The following PAX3 variants were observed in gnomAD, a reference collection of about 807,000 sequenced individuals.
PAX3 encodes paired box protein Pax-3.
A neutral mutation model predicts 51.6 loss-of-function variants in PAX3; 14 were observed. The observed-to-expected ratio is 0.27, with a 90% confidence interval of 0.18 to 0.42. The LOEUF is 0.42. Among genes scored for constraint, PAX3 ranks in the 10% least tolerant of loss-of-function variants. The pLI is 1.00. For synonymous variants in PAX3, 280 were observed against 253.4 expected (o/e 1.11, Z -1.00); for missense variants, 540 against 642.8 (o/e 0.84, Z 1.73).
intron 3 of PAX3, among the ~76,000 whole-genome samples, chr2:222,294,758 G>GCCCCCCCCCC (rs368069047): frequency 1.7e-3 from 145 of 87,076 alleles, no homozygotes; most frequent in Non-Finnish European, 2.0e-3. Context: ...ACTTGTCCGC[G>GCCCCCCCCCC]CCCCCCCCCA....
At chr2:222,283,012 A>T (rs894170914) in intron 4 of PAX3, among the ~76,000 whole-genome samples, 5 of 152,202 alleles carry the variant, frequency 3.3e-5, no homozygotes, top group Non-Finnish European at 5.9e-5. Context: ...CTTCCCCACC[A>T]TTTGGTCTCA....
At chr2:222,237,332 AC>A (rs1472413872) in intron 4 of PAX3, among the ~76,000 whole-genome samples, 15 of 150,106 alleles carry the variant, frequency 1.0e-4, no homozygotes, top group African/African-American at 3.4e-4. Context: ...ACATGCACAC[AC>A]ACACACACAC....
intron 4 of PAX3, among the ~76,000 whole-genome samples, chr2:222,260,991 A>G (rs995816183): frequency 2.0e-5 from 3 of 152,258 alleles, no homozygotes; most frequent in Non-Finnish European, 4.4e-5. Flanking sequence ...GGCTGTGGCC[A>G]GAAGCACTCA....
At chr2:222,232,554 T>C (rs1296019000) in intron 4 of PAX3, among the ~76,000 whole-genome samples, 1 of 152,122 alleles carries the variant, frequency 6.6e-6, no homozygotes, top group Non-Finnish European at 1.5e-5. Flanking sequence ...CTTCTCCTAC[T>C]CTATCTTTCT....
intron 4 of PAX3, among the ~76,000 whole-genome samples, chr2:222,274,004 AAT>A (rs1380695492): frequency 6.6e-6 from 1 of 152,114 alleles, no homozygotes; most frequent in Non-Finnish European, 1.5e-5. Flanking sequence ...TTCCTAGAAA[AAT>A]TAGTGTTTTA....
At chr2:222,209,851 G>T (rs779815830) in intron 7 of PAX3, among the ~76,000 whole-genome samples, 4 of 151,324 alleles carry the variant, frequency 2.6e-5, no homozygotes, top group African/African-American at 9.7e-5. Context: ...TGATTGCACC[G>T]CTGTACTCCA....
intron 4 of PAX3, among the ~76,000 whole-genome samples, chr2:222,291,969 G>GGC (rs1553591825): frequency 7.5e-6 from 1 of 133,642 alleles, no homozygotes; most frequent in East Asian, 2.3e-4. Context: ...CAGCCTCCAA[G>GGC]GTGTGTGTGT....
Position 222,282,871 on chromosome 2 carries a change from A to G in PAX3, c.586+11296T>C, listed in dbSNP as rs1295866348. On this transcript the variant is annotated intron_variant, in intron 4 of 8. Coordinates refer to ENST00000392070, the MANE Select transcript of PAX3 (RefSeq NM_181458.4). The stretch of plus-strand genomic sequence containing the variant: ...GAATGTCCAGAAGGTAGTCATTGTT[A>G]GCAGAACAACTCTAAGCAGTAATTT... Among the ~76,000 whole-genome samples, 3 of 152,248 alleles carry G rather than the reference A, an allele frequency of 2.0e-5. No individual in the cohort carries two copies. In the East Asian group the frequency reaches 5.8e-4, roughly 29 times the overall value.
intron 7 of PAX3, among the ~76,000 whole-genome samples, chr2:222,204,197 A>G (rs192564234): frequency 2.2e-3 from 330 of 152,324 alleles, no homozygotes; most frequent in African/African-American, 7.2e-3. Flanking sequence ...GTAAGCATCA[A>G]TAGGATTGAC....
chr2:222,280,188 G>A (rs548746605), intron 4 of PAX3, among the ~76,000 whole-genome samples: 62 of 151,622 alleles, frequency 4.1e-4, no homozygotes, highest in Admixed American at 7.2e-4. Context: ...TGCAGCCTGG[G>A]CAACAAGAGT....
At chr2:222,249,506 G>GTTT (rs1693346359) in intron 4 of PAX3, among the ~76,000 whole-genome samples, 1 of 152,148 alleles carries the variant, frequency 6.6e-6, no homozygotes, top group South Asian at 2.1e-4. Flanking sequence ...TTCAAAAAAG[G>GTTT]TTTGAGTAAA....
At chr2:222,225,290 G>T (rs1023000543) in intron 5 of PAX3, among the ~76,000 whole-genome samples, 3 of 152,022 alleles carry the variant, frequency 2.0e-5, no homozygotes, top group African/African-American at 7.3e-5. Context: ...CTTCCATAAA[G>T]CCATATTTCA....
intron 7 of PAX3, chr2:222,214,317 TA>T (rs1162621728): frequency 1.3e-5 from 2 of 152,190 alleles, no homozygotes; most frequent in Non-Finnish European, 2.9e-5. Context: ...GATAGTCTAA[TA>T]CATATATGCA....
chr2:222,225,642 T>G (rs1692355416), intron 5 of PAX3, among the ~76,000 whole-genome samples: 1 of 152,184 alleles, frequency 6.6e-6, no homozygotes, highest in Admixed American at 6.5e-5. Flanking sequence ...AACAATTTGC[T>G]TAATATCTGG....
chr2:222,232,418 C>A (rs945666839), intron 4 of PAX3, 135 bp from the exon 5 acceptor site: 20 of 756,290 alleles, frequency 2.6e-5, no homozygotes, highest in Admixed American at 2.6e-4. Context: ...AAATGTGGAT[C>A]AAAAAACAAG....
chr2:222,291,394 C>A (rs1158624675), intron 4 of PAX3, among the ~76,000 whole-genome samples: 1 of 152,102 alleles, frequency 6.6e-6, no homozygotes, highest in Non-Finnish European at 1.5e-5. Context: ...TAGCGCGCGC[C>A]CGTTAGGGAG....
At chr2:222,295,716 G>GC in intron 2 of PAX3, 59 bp from the exon 3 acceptor site, 1 of 1,602,980 alleles carries the variant, frequency 6.2e-7, no homozygotes, top group Non-Finnish European at 8.5e-7. Flanking sequence ...GGTGGCGGCG[G>GC]CCCCACCGCC....
At chr2:222,232,503 C>T (rs533226900) in intron 4 of PAX3, among the ~76,000 whole-genome samples, 19 of 152,256 alleles carry the variant, frequency 1.2e-4, no homozygotes, top group South Asian at 4.1e-4. Context: ...CCAAGCACCC[C>T]GCCCCCATGC....
At chr2:222,228,386 T>G (rs1270821511) in intron 5 of PAX3, among the ~76,000 whole-genome samples, 1 of 152,212 alleles carries the variant, frequency 6.6e-6, no homozygotes, top group Non-Finnish European at 1.5e-5. Flanking sequence ...TTTGATCCCA[T>G]GTCCTCTGAA....
Sources: allele counts gnomAD v4.1 joint callset (sites outside exome capture counted in the v4.1 genomes callset), GRCh38; gene constraint gnomAD v4.1.1; transcripts MANE v1.5; gene names NCBI Gene and HGNC (gene_info 2026-07-23, HGNC 2026-07-21).